TFG: variants seen among roughly 807,000 people sequenced by gnomAD.
TFG encodes trafficking from ER to golgi regulator.
Under a neutral mutation model 51.4 loss-of-function variants are expected in TFG, and 22 were observed. The ratio of observed to expected loss-of-function variants is 0.43; its 90% CI spans 0.31 to 0.61. TFG has a LOEUF of 0.61. Among genes scored for constraint, TFG ranks in the 20% least tolerant of loss-of-function variants. TFG has a pLI of 0.12. For missense variants in TFG, 419 were observed against 487.7 expected (o/e 0.86, Z 1.33); for synonymous variants, 187 against 165.6 (o/e 1.13, Z -0.99).
At chr3:100,715,272 G>A (rs758305155) in intron 2 of TFG, among the ~76,000 whole-genome samples, 6 of 152,138 alleles carry the variant, frequency 3.9e-5, no homozygotes, top group Non-Finnish European at 5.9e-5. Context: ...TTCAACACAT[G>A]GCTTATAAGC....
chr3:100,748,168 T>A lies in TFG; in HGVS notation c.840T>A (p.Thr280=). 6.2e-7 allele frequency: 1 copy of A among 1,614,066 alleles called. No homozygotes were observed. Among genetic ancestry groups the A allele is most frequent in the Non-Finnish European group, 8.5e-7 (1 of 1,179,958 alleles). Residue 280 remains threonine, a synonymous_variant, in exon 8 of 8, where the codon ACT becomes ACA. Coordinates refer to ENST00000240851, the MANE Select transcript of TFG (RefSeq NM_006070.6). ...IQYSASYSQQ[T]GPQQPQQFQG... is the part of the protein sequence containing the mutation. Reference sequence around the variant, plus strand: ...TTTCAGCAAGCTATAGTCAGCAGACTGGACCTCAACAACCTCAGCAGTTCC... The same window carrying A: ...TTTCAGCAAGCTATAGTCAGCAGACAGGACCTCAACAACCTCAGCAGTTCC...
chr3:100,714,887 AAC>A (rs1292720086), intron 2 of TFG, among the ~76,000 whole-genome samples: 18 of 152,354 alleles, frequency 1.2e-4, no homozygotes, highest in Admixed American at 1.2e-3. Flanking sequence ...TGTTTCGGCA[AAC>A]ACACTGAGTA....
At chr3:100,734,756 G>A (rs1310084938) in intron 5 of TFG, among the ~76,000 whole-genome samples, 1 of 152,140 alleles carries the variant, frequency 6.6e-6, no homozygotes, top group Non-Finnish European at 1.5e-5. Context: ...AGAATTGTGT[G>A]AAAATTTGAT....
In TFG at chr3:100,713,809, C is replaced by A; in HGVS notation, c.124C>A (p.Arg42=). Residue 42 remains arginine (R), a synonymous_variant, in exon 2 of 8, where the codon CGA becomes AGA. Transcript: ENST00000240851. ...TYDELVLMMQ[R]VFRGKLLSND... is the part of the protein sequence containing the mutation. Reference sequence around the variant, plus strand: ...TGATGAATTAGTGCTAATGATGCAACGAGTTTTCAGAGGAAAACTTCTGAG... The same window carrying A: ...TGATGAATTAGTGCTAATGATGCAAAGAGTTTTCAGAGGAAAACTTCTGAG... The A allele has an allele frequency of 6.3e-7, 1 of 1,590,760 alleles. No individual in the cohort carries two copies.
At chr3:100,740,210 C>T (rs2095117660) in intron 6 of TFG, among the ~76,000 whole-genome samples, 1 of 152,134 alleles carries the variant, frequency 6.6e-6, no homozygotes, top group Non-Finnish European at 1.5e-5. Context: ...GATACTTAGA[C>T]AACAAAAGTT....
intron 2 of TFG, among the ~76,000 whole-genome samples, chr3:100,714,468 C>G (rs1016127539): frequency 1.3e-5 from 2 of 151,674 alleles, no homozygotes; most frequent in Non-Finnish European, 2.9e-5. Flanking sequence ...CCACTGCACT[C>G]CAGCCTGGGT....
intron 7 of TFG, among the ~76,000 whole-genome samples, chr3:100,746,647 C>T (rs2095135719): frequency 6.6e-6 from 1 of 151,966 alleles, no homozygotes; most frequent in Non-Finnish European, 1.5e-5. Flanking sequence ...GAAGCATTGC[C>T]ACATTATGTT....
intron 1 of TFG, chr3:100,711,164 G>C (rs2095030270): frequency 6.6e-6 from 1 of 151,934 alleles, no homozygotes. Context: ...GCAGTGGCGT[G>C]ATCCCCCAGC....
chr3:100,741,598 A>T (rs1053717751), intron 6 of TFG, among the ~76,000 whole-genome samples: 1 of 152,182 alleles, frequency 6.6e-6, no homozygotes, highest in Non-Finnish European at 1.5e-5. Flanking sequence ...AAATAAATGT[A>T]GTATAGCCTA....
At chr3:100,718,450 C>T (rs2095052153) in intron 2 of TFG, among the ~76,000 whole-genome samples, 1 of 151,730 alleles carries the variant, frequency 6.6e-6, no homozygotes, top group African/African-American at 2.4e-5. Context: ...TATAACAACA[C>T]AGGGATTTTG....
intron 2 of TFG, 38 bp downstream of exon 2, chr3:100,713,907 T>TAAAAA: frequency 1.1e-6 from 1 of 898,908 alleles, no homozygotes; most frequent in Non-Finnish European, 1.5e-6. Flanking sequence ...AAAGTCTTTT[T>TAAAAA]AAAAAAAAAA....
At position 100,728,752 on chromosome 3, in the gene TFG, A is replaced by G. The variant is rs369508900; in HGVS notation, c.309A>G (p.Lys103=). Residue 103 remains lysine, a synonymous_variant, in exon 4 of 8, where the codon AAA becomes AAG. Transcript: ENST00000240851. The part of the protein sequence containing the change: ...QPRPLESSQV[K]YLRRELIELR... ...GACCCCTTGAATCAAGTCAGGTGAA[A>G]TATCTCCGTCGAGAACTGATAGAAC... 43 of 1,612,444 alleles carry G rather than the reference A, an allele frequency of 2.7e-5. 1 individual carries two copies. Among genetic ancestry groups the G allele is most frequent in the Non-Finnish European group, 3.4e-5 (40 of 1,179,308 alleles).
At chr3:100,742,418 A>T (rs2095123768) in intron 6 of TFG, 1 of 152,226 alleles carries the variant, frequency 6.6e-6, no homozygotes, top group Non-Finnish European at 1.5e-5. Flanking sequence ...AAAGATTAAT[A>T]AAAACAAATA....
At chr3:100,738,149 G>A (rs2095111762) in intron 6 of TFG, among the ~76,000 whole-genome samples, 2 of 152,050 alleles carry the variant, frequency 1.3e-5, no homozygotes, top group South Asian at 4.2e-4. Context: ...ACTAGCAGGT[G>A]ACATTTTGCT....
chr3:100,739,699 A>T (rs2149090995), intron 6 of TFG, among the ~76,000 whole-genome samples: 1 of 152,272 alleles, frequency 6.6e-6, no homozygotes, highest in Non-Finnish European at 1.5e-5. Flanking sequence ...ATATTTTGGC[A>T]TTCTTTTTTC....
At chr3:100,726,723 A>G (rs2095077016) in intron 3 of TFG, among the ~76,000 whole-genome samples, 1 of 152,322 alleles carries the variant, frequency 6.6e-6, no homozygotes, top group Admixed American at 6.5e-5. Context: ...GCAAGGGAGA[A>G]TGAATACCAC....
rs1316462051 is a variant in TFG at position 100,728,877 on chromosome 3, G to C, written c.415+19G>C. ...GAAAATGGTAAACCCTGAATCCATT[G>C]TATTCTGACTTATTGTTCTTACGTC... On this transcript the variant is annotated intron_variant, in intron 4 of 7. Coordinates refer to ENST00000240851, the MANE Select transcript of TFG (RefSeq NM_006070.6). 1 of 1,576,204 alleles carries C rather than the reference G, an allele frequency of 6.3e-7. No homozygotes were observed.
intron 6 of TFG, among the ~76,000 whole-genome samples, chr3:100,739,131 A>G (rs2095114628): frequency 6.6e-6 from 1 of 152,220 alleles, no homozygotes; most frequent in Non-Finnish European, 1.5e-5. Context: ...TTTGTTGTAT[A>G]ATGAGTCTTT....
Position 100,720,112 on chromosome 3 carries a change from A to G in TFG, c.268+54A>G, listed in dbSNP as rs963189062. The G allele has an allele frequency of 9.2e-6, 11 of 1,190,172 alleles. No individual in the cohort carries two copies. The Admixed American group carries it at 1.5e-4, about 17-fold the overall frequency. 73.7% of individuals were successfully genotyped at this position (1,190,172 alleles called of 1,614,324 possible). A position where few individuals can be genotyped will look rare whatever the true frequency, so the allele number is the denominator to read the frequency against. On this transcript the variant is annotated intron_variant, in intron 3 of 7. Coordinates refer to ENST00000240851, the MANE Select transcript of TFG (RefSeq NM_006070.6). ...CTATTTTATTCATTGTATTTTAAAG[A>G]TGTTTGGCTTTTTTCCTTTTAAAGA...
Sources: gnomAD v4.1 joint callset for allele counts (sites outside exome capture counted in the v4.1 genomes callset) on GRCh38, gnomAD v4.1.1 for gene constraint, MANE v1.5 for transcripts, NCBI Gene and HGNC (gene_info 2026-07-23, HGNC 2026-07-21) for gene names.